DCC: variants seen among roughly 807,000 people sequenced by gnomAD.
The protein encoded by DCC is netrin receptor DCC.
In DCC, 58 loss-of-function variants were observed where a neutral mutation model predicts 172.5. The observed-to-expected ratio is 0.34, with a 90% CI of 0.27 to 0.42. DCC has a LOEUF of 0.42. DCC is among the 10% of genes least tolerant of loss of function. The pLI is 1.00. For synonymous variants in DCC, 709 were observed against 644.5 expected, an observed-to-expected ratio of 1.10 and a Z score of -1.52; for missense variants, 1,740 against 1,791.0, an observed-to-expected ratio of 0.97 and a Z score of 0.51.
chr18:53,066,277 A>G (rs1186993967), intron 7 of DCC, 111 bp downstream of exon 7: 1 of 1,004,052 alleles, frequency 1.0e-6, no homozygotes, highest in Non-Finnish European at 1.5e-6. Flanking sequence ...GCAATATGAA[A>G]TCATTTAGTT....
chr18:53,041,719 A>T (rs2042171332), intron 5 of DCC, among the ~76,000 whole-genome samples: 1 of 151,980 alleles, frequency 6.6e-6, no homozygotes, highest in Admixed American at 6.6e-5. Context: ...CTCCTTGAAG[A>T]GGTCCTTCAC....
chr18:53,421,431 C>T (rs888929598), intron 21 of DCC, among the ~76,000 whole-genome samples: 5 of 152,126 alleles, frequency 3.3e-5, no homozygotes, highest in African/African-American at 1.2e-4. Context: ...TCTCCATGAC[C>T]TGGAAAAGGG....
At chr18:52,423,992 T>C (rs977458157) in intron 1 of DCC, among the ~76,000 whole-genome samples, 2 of 152,158 alleles carry the variant, frequency 1.3e-5, no homozygotes, top group African/African-American at 4.8e-5. Flanking sequence ...TTGTTCATCC[T>C]TTCTACCAAA....
At chr18:52,995,056 C>T (rs72930017) in intron 5 of DCC, among the ~76,000 whole-genome samples, 11,604 of 152,028 alleles carry the variant, frequency 0.076, 664 homozygotes, top group Non-Finnish European at 0.11. Context: ...AAAGCAGTGC[C>T]TAAATTAACA....
At chr18:52,578,744 G>A (rs1388429960) in intron 1 of DCC, among the ~76,000 whole-genome samples, 1 of 152,198 alleles carries the variant, frequency 6.6e-6, no homozygotes, top group Non-Finnish European at 1.5e-5. Context: ...GCTCATGCCT[G>A]TAATCCCAGA....
chr18:52,492,769 C>T (rs2144607856), intron 1 of DCC, among the ~76,000 whole-genome samples: 1 of 152,164 alleles, frequency 6.6e-6, no homozygotes, highest in East Asian at 1.9e-4. Context: ...AGGTGAGACT[C>T]ATTAACGAAG....
intron 7 of DCC, among the ~76,000 whole-genome samples, chr18:53,098,549 A>C (rs1355383837): frequency 6.6e-6 from 1 of 152,162 alleles, no homozygotes; most frequent in African/African-American, 2.4e-5. Flanking sequence ...TAAGTTATGC[A>C]TTTTGAGTTG....
intron 1 of DCC, among the ~76,000 whole-genome samples, chr18:52,351,823 C>A (rs1437444887): frequency 6.6e-6 from 1 of 152,042 alleles, no homozygotes; most frequent in African/African-American, 2.4e-5. Context: ...AAAACATAAA[C>A]GAATGTTCTC....
chr18:52,798,940 G>T (rs1445674068), intron 2 of DCC, among the ~76,000 whole-genome samples: 1 of 151,788 alleles, frequency 6.6e-6, no homozygotes, highest in Non-Finnish European at 1.5e-5. Context: ...GTAGAGATGA[G>T]GTTTCACTAT....
chr18:53,188,681 A>G (rs2055322765), intron 9 of DCC, among the ~76,000 whole-genome samples: 1 of 152,220 alleles, frequency 6.6e-6, no homozygotes, highest in Admixed American at 6.5e-5. Context: ...TCCAAACAAC[A>G]AAATGTATTT....
At chr18:52,973,645 G>A (rs1246435267) in intron 5 of DCC, among the ~76,000 whole-genome samples, 1 of 152,116 alleles carries the variant, frequency 6.6e-6, no homozygotes, top group East Asian at 1.9e-4. Flanking sequence ...CACCTGAAGA[G>A]ACCTTAGTGA....
chr18:52,736,671 T>C (rs1286806549), intron 1 of DCC, among the ~76,000 whole-genome samples: 2 of 152,232 alleles, frequency 1.3e-5, no homozygotes, highest in Admixed American at 6.5e-5. Context: ...ACAATCCTAG[T>C]ACATATTATA....
intron 7 of DCC, among the ~76,000 whole-genome samples, chr18:53,154,991 C>T (rs1167379866): frequency 6.6e-6 from 1 of 152,150 alleles, no homozygotes; most frequent in African/African-American, 2.4e-5. Context: ...CTCACTGCCA[C>T]TCTTCCATTT....
intron 1 of DCC, among the ~76,000 whole-genome samples, chr18:52,687,343 G>A (rs561790393): frequency 7.1e-4 from 103 of 145,208 alleles, no homozygotes; most frequent in African/African-American, 2.3e-3. Context: ...GGAGTGTGAT[G>A]GTGTGGTCTC....
At chr18:53,042,538 G>A (rs1004483897) in intron 5 of DCC, among the ~76,000 whole-genome samples, 1 of 151,714 alleles carries the variant, frequency 6.6e-6, no homozygotes, top group African/African-American at 2.4e-5. Context: ...TTAGGGAGGA[G>A]TCCCTCTTTT....
chr18:53,356,233 T>C (rs1019426114), intron 15 of DCC, among the ~76,000 whole-genome samples: 9 of 152,052 alleles, frequency 5.9e-5, no homozygotes, highest in East Asian at 1.9e-4. Context: ...ACTCAGTCTC[T>C]CCTCTACCTT....
intron 19 of DCC, among the ~76,000 whole-genome samples, chr18:53,408,928 C>T (rs1909828997): frequency 6.6e-6 from 1 of 152,090 alleles, no homozygotes; most frequent in Non-Finnish European, 1.5e-5. Flanking sequence ...TATCCAGTGA[C>T]GCATCCCCCA....
intron 1 of DCC, among the ~76,000 whole-genome samples, chr18:52,673,958 C>T (rs1307199582): frequency 6.6e-6 from 1 of 152,136 alleles, no homozygotes; most frequent in African/African-American, 2.4e-5. Context: ...GCCAGCTGAG[C>T]ATATCTCACC....
chr18:53,016,781 A>G (rs2041812780), intron 5 of DCC, among the ~76,000 whole-genome samples: 2 of 152,148 alleles, frequency 1.3e-5, no homozygotes, highest in African/African-American at 2.4e-5. Context: ...ATATCTAACT[A>G]TATTTGTTTT....
Sources: gnomAD v4.1 joint callset for allele counts (sites outside exome capture counted in the v4.1 genomes callset) on GRCh38, gnomAD v4.1.1 for gene constraint, MANE v1.5 for transcripts, NCBI Gene and HGNC (gene_info 2026-07-23, HGNC 2026-07-21) for gene names.